The following ABCA10 variants were observed in gnomAD, a reference collection of about 807,000 sequenced individuals.
The protein encoded by ABCA10 is ATP-binding cassette sub-family A member 10.
ABCA10 carries 169 observed loss-of-function variants against 187.5 expected under a neutral mutation model. The ratio of observed to expected loss-of-function variants is 0.90; its 90% CI spans 0.80 to 1.02. The LOEUF (loss-of-function observed/expected upper bound fraction) is 1.02. Among genes scored for constraint, ABCA10 ranks in the 50% least tolerant of loss-of-function variants. ABCA10 has a pLI of 0.00. For synonymous variants in ABCA10, 574 were observed against 601.8 expected, an observed-to-expected ratio of 0.95 and a Z score of 0.68; for missense variants, 1,727 against 1,812.4, an observed-to-expected ratio of 0.95 and a Z score of 0.86.
chr17:69,205,784 C>T lies in ABCA10; in HGVS notation c.1007-4116G>A, dbSNP rs530876911. Among the ~76,000 whole-genome samples, 4 of 152,102 alleles carry T rather than the reference C, an allele frequency of 2.6e-5. No individual in the cohort carries two copies. The South Asian group carries it at 8.3e-4, about 32-fold the overall frequency. The stretch of plus-strand genomic sequence containing the variant: ...TTACTTGTGCTTCTGGGCAGTGGGG[C>T]TGGGGGAATATTGGAAAAGAAAAAC... On this transcript the variant is annotated intron_variant, in intron 9 of 38. Transcript: ENST00000690296.
intron 25 of ABCA10, among the ~76,000 whole-genome samples, chr17:69,172,435 G>C (rs974000776): frequency 6.6e-6 from 1 of 152,092 alleles, no homozygotes; most frequent in Admixed American, 6.6e-5. Flanking sequence ...CGTCCAAAGG[G>C]AAGACCATGA....
intron 20 of ABCA10, among the ~76,000 whole-genome samples, chr17:69,184,602 G>T (rs1216851261): frequency 6.6e-6 from 1 of 152,084 alleles, no homozygotes; most frequent in Non-Finnish European, 1.5e-5. Flanking sequence ...TACACTGTTG[G>T]TGGGAATATA....
chr17:69,207,217 T>C (rs953980720), intron 9 of ABCA10, among the ~76,000 whole-genome samples: 2 of 152,174 alleles, frequency 1.3e-5, no homozygotes, highest in African/African-American at 4.8e-5. Context: ...TTGCAAGGGA[T>C]GCTATCGAAA....
intron 9 of ABCA10, among the ~76,000 whole-genome samples, chr17:69,211,346 TATATATATATATATAC>T (rs1400276928): frequency 0.02 from 568 of 27,718 alleles, 9 homozygotes; most frequent in Non-Finnish European, 0.026. Flanking sequence ...TATATATATA[TATATATATATATATAC>T]ACACACACCA....
At chr17:69,188,300 T>A (rs376515082) in intron 18 of ABCA10, among the ~76,000 whole-genome samples, 2 of 152,060 alleles carry the variant, frequency 1.3e-5, no homozygotes, top group East Asian at 3.8e-4. Context: ...TTCAAGACAT[T>A]GTGCTTTCAA....
intron 1 of ABCA10, among the ~76,000 whole-genome samples, chr17:69,235,926 A>G (rs1382813804): frequency 2.6e-5 from 4 of 152,186 alleles, no homozygotes; most frequent in Admixed American, 2.6e-4. Flanking sequence ...GTACATTGTA[A>G]ATTCTTTTGA....
At chr17:69,217,579 T>C (rs1448208808) in intron 6 of ABCA10, among the ~76,000 whole-genome samples, 1 of 152,090 alleles carries the variant, frequency 6.6e-6, no homozygotes, top group Non-Finnish European at 1.5e-5. Flanking sequence ...TACTCAACAA[T>C]AAGAAAAAAC....
intron 14 of ABCA10, 71 bp from the exon 15 acceptor site, chr17:69,193,319 C>G: frequency 5.1e-6 from 8 of 1,571,062 alleles, no homozygotes; most frequent in Non-Finnish European, 6.9e-6. Context: ...ACCATGAAAA[C>G]AAGTATGATT....
chr17:69,235,756 T>C (rs977107619), intron 1 of ABCA10, among the ~76,000 whole-genome samples: 2 of 151,336 alleles, frequency 1.3e-5, no homozygotes, highest in Non-Finnish European at 2.9e-5. Context: ...ACTGTATCTC[T>C]CATGGTTACT....
At position 69,191,606 on chromosome 17, in the gene ABCA10, T is replaced by C. The variant is rs547464486; in HGVS notation, c.1872-291A>G. On this transcript the variant is annotated intron_variant, in intron 16 of 38. Transcript: ENST00000690296. Reference sequence around the variant, plus strand: ...TGACATTTTAGCATACATACACACATACACAAACACACATACACACATGCA... The same window carrying C: ...TGACATTTTAGCATACATACACACACACACAAACACACATACACACATGCA... 1.6e-4 allele frequency among the ~76,000 whole-genome samples: 24 copies of C among 152,222 alleles called. No individual in the cohort carries two copies. In the South Asian group the frequency reaches 4.8e-3, roughly 30 times the overall value.
At chr17:69,219,446 G>A (rs576989812) in intron 6 of ABCA10, 99 bp downstream of exon 6, 18 of 787,104 alleles carry the variant, frequency 2.3e-5, no homozygotes, top group African/African-American at 1.2e-4. Flanking sequence ...AATTGAATAC[G>A]TGCAAGAAAA....
rs1431538961 is a variant in ABCA10 at position 69,154,289 on chromosome 17, A to T, written c.3732T>A (p.Gly1244=). The T allele has an allele frequency of 3.1e-6, 5 of 1,612,564 alleles. No individual in the cohort carries two copies. The African/African-American group carries it at 6.7e-5, about 22-fold the overall frequency. The change falls in exon 31 of 39, where the codon GGT becomes GGA. Residue 1244 remains glycine (G), a synonymous_variant. Transcript: ENST00000690296. ...TTATCATTTTAATGGAAGTACTTTT[A>T]CCAGCTCCATTGTGTCCTAGTAATC... ...VLGLLGHNGA[G]KSTSIKMITG... is the part of the protein sequence containing the mutation.
chr17:69,231,012 T>A (rs2074828636), upstream of ABCA10, among the ~76,000 whole-genome samples: 1 of 152,128 alleles, frequency 6.6e-6, no homozygotes, highest in Admixed American at 6.6e-5. Flanking sequence ...TTACATTCCC[T>A]GCCCAAATTT....
At chr17:69,173,983 CCTGA>C (rs1227182632) in intron 25 of ABCA10, among the ~76,000 whole-genome samples, 1 of 151,940 alleles carries the variant, frequency 6.6e-6, no homozygotes, top group Non-Finnish European at 1.5e-5. Flanking sequence ...GAAGAAATGT[CCTGA>C]ATGATCTAGT....
At chr17:69,172,389 T>C (rs1484679930) in intron 25 of ABCA10, among the ~76,000 whole-genome samples, 3 of 152,110 alleles carry the variant, frequency 2.0e-5, no homozygotes, top group African/African-American at 4.8e-5. Context: ...AATGTGACTA[T>C]TGTCCTTATA....
At chr17:69,168,527 C>A (rs1305564224) in intron 25 of ABCA10, among the ~76,000 whole-genome samples, 1 of 152,118 alleles carries the variant, frequency 6.6e-6, no homozygotes. Flanking sequence ...TGTTTTTATT[C>A]ACCAAATAAT....
intron 9 of ABCA10, among the ~76,000 whole-genome samples, chr17:69,204,075 A>G (rs2074570799): frequency 6.6e-6 from 1 of 152,168 alleles, no homozygotes; most frequent in African/African-American, 2.4e-5. Context: ...ATCACCAGGC[A>G]CCTATAGAGG....
intron 3 of ABCA10, 58 bp downstream of exon 3, chr17:69,225,267 A>G: frequency 6.3e-7 from 1 of 1,589,862 alleles, no homozygotes; most frequent in Non-Finnish European, 8.6e-7. Context: ...TCAACCTGCA[A>G]AAAGAACTTG....
chr17:69,160,160 T>C (rs918346138), intron 27 of ABCA10, among the ~76,000 whole-genome samples: 1 of 152,110 alleles, frequency 6.6e-6, no homozygotes, highest in African/African-American at 2.4e-5. Context: ...ATTCTGTGCA[T>C]CAAAGGACAC....
Sources: gnomAD v4.1 joint callset for allele counts (sites outside exome capture counted in the v4.1 genomes callset) on GRCh38, gnomAD v4.1.1 for gene constraint, MANE v1.5 for transcripts, NCBI Gene and HGNC (gene_info 2026-07-23, HGNC 2026-07-21) for gene names.